The following PLPPR1 variants were observed in gnomAD, a reference collection of about 807,000 sequenced individuals.
The protein encoded by PLPPR1 is phospholipid phosphatase-related protein type 1.
Under a neutral mutation model 33.1 loss-of-function variants are expected in PLPPR1, and 10 were observed. The ratio of observed to expected loss-of-function variants is 0.30; its 90% confidence interval spans 0.19 to 0.51. The LOEUF (loss-of-function observed/expected upper bound fraction) is 0.51. PLPPR1 is among the 20% of genes least tolerant of loss of function. The pLI, the probability that PLPPR1 is intolerant of heterozygous loss-of-function variation, is 0.97. For synonymous variants in PLPPR1, 151 were observed against 151.0 expected (o/e 1.00, Z 0.00); for missense variants, 304 against 408.1 (o/e 0.74, Z 2.20).
intron 7 of PLPPR1, among the ~76,000 whole-genome samples, chr9:101,319,840 A>G (rs2118971172): frequency 6.6e-6 from 1 of 152,326 alleles, no homozygotes; most frequent in East Asian, 1.9e-4. Context: ...ATATTTGCTG[A>G]GTTCCATAGA....
At chr9:101,298,120 T>G (rs1266212265) in intron 4 of PLPPR1, among the ~76,000 whole-genome samples, 1 of 152,226 alleles carries the variant, frequency 6.6e-6, no homozygotes, top group Non-Finnish European at 1.5e-5. Flanking sequence ...TAACTTTCCC[T>G]TCCTGAATAG....
chr9:101,214,090 G>A (rs1826738439), intron 2 of PLPPR1, among the ~76,000 whole-genome samples: 1 of 152,130 alleles, frequency 6.6e-6, no homozygotes, highest in Non-Finnish European at 1.5e-5. Context: ...AGATGGATGA[G>A]GTGACAAGAC....
In PLPPR1 at chr9:101,163,601, AT is replaced by A. The variant is rs1410462541; in HGVS notation, c.-45-21847del. ...GAGGAAATCTTGCTCTTCTGGTGGC[AT>A]TCTAGTGACATCCGGCTGAAGCACA... is the stretch of plus-strand genomic sequence containing the variant. On this transcript the variant is annotated intron_variant, in intron 1 of 7. Transcript: ENST00000374874. Among the ~76,000 whole-genome samples the A allele has an allele frequency of 8.5e-5, 13 of 152,166 alleles. No individual in the cohort carries two copies. The East Asian group carries it at 2.5e-3, about 29-fold the overall frequency.
intron 4 of PLPPR1, among the ~76,000 whole-genome samples, chr9:101,305,971 C>T (rs148889453): frequency 2.6e-5 from 4 of 152,216 alleles, no homozygotes; most frequent in African/African-American, 4.8e-5. Flanking sequence ...CTTCATCATC[C>T]TCTTTCTTTA....
intron 6 of PLPPR1, among the ~76,000 whole-genome samples, chr9:101,314,956 G>A (rs925265583): frequency 3.3e-5 from 5 of 151,338 alleles, no homozygotes; most frequent in African/African-American, 1.2e-4. Flanking sequence ...CCTGAGGAAC[G>A]CCTTTTAAAA....
At chr9:101,313,273 A>G (rs781641711) in intron 6 of PLPPR1, among the ~76,000 whole-genome samples, 1 of 152,138 alleles carries the variant, frequency 6.6e-6, no homozygotes, top group African/African-American at 2.4e-5. Flanking sequence ...GACTAATGAT[A>G]AATTGGCACA....
At chr9:101,181,678 A>G (rs1169537090) in intron 1 of PLPPR1, among the ~76,000 whole-genome samples, 3 of 148,446 alleles carry the variant, frequency 2.0e-5, no homozygotes, top group East Asian at 2.0e-4. Flanking sequence ...ATATATATGT[A>G]TATACACACA....
chr9:101,196,252 G>A (rs1287782265), intron 2 of PLPPR1, among the ~76,000 whole-genome samples: 1 of 152,136 alleles, frequency 6.6e-6, no homozygotes, highest in African/African-American at 2.4e-5. Flanking sequence ...AATCTATCTT[G>A]GAGCCTATAA....
intron 4 of PLPPR1, among the ~76,000 whole-genome samples, chr9:101,302,146 C>T (rs1828765421): frequency 6.6e-6 from 1 of 152,224 alleles, no homozygotes. Flanking sequence ...TCAATTTCCT[C>T]ACCTGTAAAA....
At chr9:101,261,296 A>T (rs532200409) in intron 2 of PLPPR1, among the ~76,000 whole-genome samples, 1 of 152,310 alleles carries the variant, frequency 6.6e-6, no homozygotes, top group African/African-American at 2.4e-5. Flanking sequence ...CCCTGACAGA[A>T]AACCCCATGA....
intron 2 of PLPPR1, among the ~76,000 whole-genome samples, chr9:101,243,058 G>T (rs539024297): frequency 6.6e-6 from 1 of 152,154 alleles, no homozygotes; most frequent in East Asian, 1.9e-4. Context: ...AAGAATAATT[G>T]TAGCAGAAGG....
chr9:101,276,397 TCTC>T (rs928194743), intron 3 of PLPPR1, among the ~76,000 whole-genome samples: 1 of 152,184 alleles, frequency 6.6e-6, no homozygotes. Context: ...CTGCTCCAAA[TCTC>T]CTTTAGAGAT....
At chr9:101,161,230 A>T (rs140683384) in intron 1 of PLPPR1, among the ~76,000 whole-genome samples, 1,659 of 152,276 alleles carry the variant, frequency 0.011, 10 homozygotes, top group Middle Eastern at 0.02. Flanking sequence ...TATAGTAGTT[A>T]TCATGTTGCC....
rs1290548707 is a variant in PLPPR1 at position 101,238,380 on chromosome 9, G to GTA, written c.64-31490_64-31489dup. 3.1e-3 allele frequency among the ~76,000 whole-genome samples: 439 copies of GTA among 139,752 alleles called. 1 individual carries two copies. Among genetic ancestry groups the GTA allele is most frequent in the African/African-American group, 1.0e-2 (371 of 37,276 alleles). 91.7% of individuals were successfully genotyped at this position (139,752 alleles called of 152,430 possible). On this transcript the variant is annotated intron_variant, in intron 2 of 7. Transcript: ENST00000374874. ...ATATATATATGGGTATATATATAGG[G>GTA]TATATATATATGATGGAATTGTGTG...
intron 2 of PLPPR1, among the ~76,000 whole-genome samples, chr9:101,223,920 A>G (rs1460959657): frequency 6.6e-6 from 1 of 152,150 alleles, no homozygotes; most frequent in Non-Finnish European, 1.5e-5. Flanking sequence ...ATTGTAGAAA[A>G]CAAATAGTTT....
chr9:101,089,141 G>C (rs902222925), intron 1 of PLPPR1, among the ~76,000 whole-genome samples: 2 of 152,080 alleles, frequency 1.3e-5, no homozygotes, highest in Non-Finnish European at 2.9e-5. Context: ...CAGGCATTAT[G>C]CTAATATGTG....
At chr9:101,178,899 G>A (rs977169206) in intron 1 of PLPPR1, among the ~76,000 whole-genome samples, 2 of 152,082 alleles carry the variant, frequency 1.3e-5, no homozygotes, top group South Asian at 2.1e-4. Flanking sequence ...CTGTTCCTGC[G>A]ACATTATGTT....
chr9:101,233,168 T>TGGCTACCA (rs1827225466), intron 2 of PLPPR1, among the ~76,000 whole-genome samples: 1 of 152,060 alleles, frequency 6.6e-6, no homozygotes, highest in Non-Finnish European at 1.5e-5. Flanking sequence ...ACTCAACATA[T>TGGCTACCA]ATTTCATTTA....
intron 1 of PLPPR1, among the ~76,000 whole-genome samples, chr9:101,092,217 T>G (rs182237005): frequency 2.3e-3 from 357 of 152,344 alleles, no homozygotes; most frequent in African/African-American, 8.2e-3. Context: ...AAATGTCACT[T>G]TCTTTAGGAA....
Sources: gnomAD v4.1 joint callset for allele counts (sites outside exome capture counted in the v4.1 genomes callset) on GRCh38, gnomAD v4.1.1 for gene constraint, MANE v1.5 for transcripts, NCBI Gene and HGNC (gene_info 2026-07-23, HGNC 2026-07-21) for gene names.